Variants in RAB40B observed in about 807,000 individuals in gnomAD.
RAB40B encodes ras-related protein Rab-40B.
Under a neutral mutation model 24.0 loss-of-function variants are expected in RAB40B, and 21 were observed. The ratio of observed to expected loss-of-function variants is 0.88; its 90% CI spans 0.62 to 1.26. The LOEUF (loss-of-function observed/expected upper bound fraction) is 1.26, where lower values mean the gene tolerates loss of function less well. RAB40B is among the 50% of genes most tolerant of loss of function. RAB40B has a pLI of 0.00. For synonymous variants in RAB40B, 167 were observed against 169.8 expected, an observed-to-expected ratio of 0.98 and a Z score of 0.13; for missense variants, 348 against 390.5, an observed-to-expected ratio of 0.89 and a Z score of 0.92.
At chr17:82,665,452 C>T (rs1482557215) in intron 1 of RAB40B, among the ~76,000 whole-genome samples, 7 of 152,156 alleles carry the variant, frequency 4.6e-5, no homozygotes, top group Admixed American at 3.9e-4. Context: ...CGGGGTTTCG[C>T]TATGTTTCCC....
chr17:82,668,827 C>CCGTGGAT (rs2046295261), intron 1 of RAB40B, among the ~76,000 whole-genome samples: 1 of 152,254 alleles, frequency 6.6e-6, no homozygotes, highest in Non-Finnish European at 1.5e-5. Context: ...GCTGCCTGAT[C>CCGTGGAT]CGTGGATCGA....
chr17:82,685,856 T>G (rs1316145785), intron 1 of RAB40B, among the ~76,000 whole-genome samples: 1 of 150,052 alleles, frequency 6.7e-6, no homozygotes, highest in Non-Finnish European at 1.5e-5. Context: ...CAGGCTGGAG[T>G]GCGATGGTGC....
intron 1 of RAB40B, among the ~76,000 whole-genome samples, chr17:82,685,316 A>G (rs1203521605): frequency 1.3e-5 from 2 of 151,642 alleles, no homozygotes; most frequent in Non-Finnish European, 2.9e-5. Context: ...CACCACAGAA[A>G]GAGACAGCAC....
At chr17:82,684,207 T>G (rs1598313215) in intron 1 of RAB40B, among the ~76,000 whole-genome samples, 4 of 106,792 alleles carry the variant, frequency 3.7e-5, no homozygotes, top group Admixed American at 1.3e-4. Context: ...GGTGAGAGAG[T>G]GAGACTCTGT....
At chr17:82,658,955 G>A (rs1031927617) in intron 4 of RAB40B, 9 of 505,946 alleles carry the variant, frequency 1.8e-5, no homozygotes, top group South Asian at 5.7e-5. Context: ...ACAGACACTC[G>A]GAGGAGGCCA....
Position 82,698,455 on chromosome 17 carries a change from C to T in RAB40B, c.142G>A (p.Gly48Ser), listed in dbSNP as rs758511174. The T allele has an allele frequency of 2.1e-6, 3 of 1,460,706 alleles. No homozygotes were observed. Among genetic ancestry groups the T allele is most frequent in the East Asian group, 3.1e-5 (1 of 32,464 alleles). 90.5% of individuals were successfully genotyped at this position (1,460,706 alleles called of 1,614,324 possible). Residue 48 changes from glycine (G) to serine (S), a missense_variant and splice_region_variant, in exon 1 of 6, where the codon GGC (glycine) becomes AGC (serine). By Grantham distance (56) the Gly-to-Ser change is moderately conservative (BLOSUM62 0). Transcript: ENST00000571995. ...AAESPYGHPA[G>S]IDYKTTTILL... ...CGGCACGCCCTCCGCCCGCGCTCAC[C>T]CGCCGGGTGGCCGTACGGGGACTCG...
At chr17:82,688,547 C>T (rs1236421789) in intron 1 of RAB40B, among the ~76,000 whole-genome samples, 6 of 152,048 alleles carry the variant, frequency 3.9e-5, no homozygotes, top group Non-Finnish European at 7.4e-5. Context: ...AGCCGGGAGG[C>T]GGAGGGTGCA....
In RAB40B at chr17:82,660,993, G is replaced by A. The variant is rs775619838; in HGVS notation, c.258C>T (p.Gly86=). ...TCGGGGGATGCTGTGTTACCTGTGC[G>A]CCCCGGGAGTAGGAGCGGAATATGG... ...FCTIFRSYSR[G]AQGVILVYDI... Residue 86 remains glycine (G), a synonymous_variant, in exon 3 of 6, where the codon GGC becomes GGT. Coordinates refer to ENST00000571995, the MANE Select transcript of RAB40B (RefSeq NM_006822.3). The A allele has an allele frequency of 1.8e-5, 29 of 1,613,830 alleles. No homozygotes were observed. Among genetic ancestry groups the A allele is most frequent in the African/African-American group, 2.7e-5 (2 of 74,916 alleles).
chr17:82,656,413 G>T lies in RAB40B; in HGVS notation c.*1450C>A, dbSNP rs1217303033. 2.0e-5 allele frequency: 3 copies of T among 152,296 alleles called. No individual in the cohort carries two copies. The East Asian group carries it at 5.8e-4, about 29-fold the overall frequency. 9.4% of individuals were successfully genotyped at this position (152,296 alleles called of 1,614,324 possible). ...GAGAGCGGCCCTGGAGGTCTTTGCG[G>T]TCAGCCCTGCTCTGAGGCAGTCGGG... On this transcript the variant is annotated 3_prime_UTR_variant, in exon 6 of 6. Transcript: ENST00000571995.
At chr17:82,659,309 C>T (rs1207409249) in intron 4 of RAB40B, 2 of 472,888 alleles carry the variant, frequency 4.2e-6, no homozygotes, top group Non-Finnish European at 7.7e-6. Flanking sequence ...GTGAAGCAGG[C>T]CAAACCTGAC....
At position 82,661,021 on chromosome 17, in the gene RAB40B, C is replaced by T. The variant is rs1182059653; in HGVS notation, c.230G>A (p.Cys77Tyr). 6.2e-7 allele frequency: 1 copy of T among 1,613,950 alleles called. No individual in the cohort carries two copies. The highest frequency in any genetic ancestry group is 1.3e-5 in the African/African-American group (1 of 74,906). ...LWDTSGQGRFCTIFRSYSRGA... is the reference protein window; with the variant it reads ...LWDTSGQGRFYTIFRSYSRGA... ...CCGGGAGTAGGAGCGGAATATGGTA[C>T]AAAATCTTCCCTGGCCTGAAGTATC... Residue 77 changes from cysteine (C) to tyrosine (Y), a missense_variant, in exon 3 of 6, where the codon TGT (cysteine) becomes TAT (tyrosine). Around this residue, in one of 3 missense-constraint regions of RAB40B, gnomAD observed 126 missense variants for 181.0 expected, o/e 0.70. Coordinates refer to ENST00000571995, the MANE Select transcript of RAB40B (RefSeq NM_006822.3).
chr17:82,671,591 ACTCACATGCTCCCTGTACC>A (rs2046337155), intron 1 of RAB40B, among the ~76,000 whole-genome samples: 2 of 118,328 alleles, frequency 1.7e-5, no homozygotes, highest in African/African-American at 3.2e-5. Flanking sequence ...TCTAACACAC[ACTCACATGCTCCCTGTACC>A]CACTGACACA....
chr17:82,663,170 A>T lies in RAB40B; in HGVS notation c.203+1326T>A, dbSNP rs544606436. Among the ~76,000 whole-genome samples the T allele has an allele frequency of 5.9e-5, 9 of 152,188 alleles. No individual in the cohort carries two copies. The highest frequency in any genetic ancestry group is 1.7e-4 in the African/African-American group (7 of 41,530). On this transcript the variant is annotated intron_variant, in intron 2 of 5. Transcript: ENST00000571995. This position sits in a 1 kb window ranked among gnomAD's most constrained non-coding sequence, Gnocchi z 6.2. ...CTGGGCGGGAGGCCTGAAGCTGTGCAGCAGGAAGGGTCGGGGCGCTTGGGG... is the reference window on the plus strand; with the variant it reads ...CTGGGCGGGAGGCCTGAAGCTGTGCTGCAGGAAGGGTCGGGGCGCTTGGGG...
intron 1 of RAB40B, among the ~76,000 whole-genome samples, chr17:82,696,160 C>T (rs1181210324): frequency 1.3e-5 from 2 of 152,156 alleles, no homozygotes; most frequent in African/African-American, 2.4e-5. Flanking sequence ...GAGCCACCGC[C>T]CCCGGCCCGG....
rs372769515 is a variant in RAB40B at position 82,657,937 on chromosome 17, G to A, written c.763C>T (p.Arg255Cys). 29 of 1,613,950 alleles carry A rather than the reference G, an allele frequency of 1.8e-5. No homozygotes were observed. The highest frequency in any genetic ancestry group is 1.6e-4 in the Middle Eastern group (1 of 6,082). ...TSSTHKRSSL[R>C]KVKLVRPPQS... ...GGGGGGCGGACGAGCTTCACTTTGC[G>A]GAGGCTGCTCCTTTTGTGGGTGGAG... is the stretch of plus-strand genomic sequence containing the variant. The change falls in exon 6 of 6, where the codon CGC (arginine) becomes TGC (cysteine). Residue 255 changes from arginine (R) to cysteine (C), a missense_variant. By Grantham distance (180) the Arg-to-Cys change is radical. Coordinates refer to ENST00000571995, the MANE Select transcript of RAB40B (RefSeq NM_006822.3).
At chr17:82,660,239 T>C (rs923542616) in intron 3 of RAB40B, among the ~76,000 whole-genome samples, 1 of 149,682 alleles carries the variant, frequency 6.7e-6, no homozygotes, top group Non-Finnish European at 1.5e-5. Context: ...CACACGCAGT[T>C]CATGTGTGCA....
chr17:82,690,619 T>C (rs1413458131), intron 1 of RAB40B, among the ~76,000 whole-genome samples: 1 of 146,276 alleles, frequency 6.8e-6, no homozygotes, highest in Non-Finnish European at 1.5e-5. Context: ...TCTGCAGAAT[T>C]GGAGGGAGCA....
At chr17:82,694,946 G>A (rs1247437483) in intron 1 of RAB40B, among the ~76,000 whole-genome samples, 1 of 151,804 alleles carries the variant, frequency 6.6e-6, no homozygotes, top group Non-Finnish European at 1.5e-5. Context: ...ATGAAATCTA[G>A]GTGATTAAGA....
intron 1 of RAB40B, among the ~76,000 whole-genome samples, chr17:82,680,989 C>G (rs1486062038): frequency 1.6e-5 from 2 of 126,144 alleles, no homozygotes; most frequent in Non-Finnish European, 3.1e-5. Flanking sequence ...CCATTGCACT[C>G]CAGCCTGGGC....
Sources: allele counts gnomAD v4.1 joint callset (sites outside exome capture counted in the v4.1 genomes callset), GRCh38; gene constraint gnomAD v4.1.1; regional missense constraint gnomAD v4.1.1; non-coding constraint Gnocchi (gnomAD v3.1); transcripts MANE v1.5; gene names NCBI Gene and HGNC (gene_info 2026-07-23, HGNC 2026-07-21).